Variants in LRIF1 observed in about 807,000 individuals in gnomAD.
LRIF1 encodes ligand dependent nuclear receptor interacting factor 1, also known as ligand-dependent nuclear receptor-interacting factor 1.
LRIF1 carries 32 observed loss-of-function variants against 52.7 expected under a neutral mutation model. The observed-to-expected ratio is 0.61, with a 90% CI of 0.46 to 0.82. The LOEUF (loss-of-function observed/expected upper bound fraction) is 0.82, where lower values mean the gene tolerates loss of function less well. Among genes scored for constraint, LRIF1 ranks in the 40% least tolerant of loss-of-function variants. The pLI is 0.00. For missense variants in LRIF1, 887 were observed against 892.0 expected, an observed-to-expected ratio of 0.99 and a Z score of 0.07; for synonymous variants, 323 against 317.4, an observed-to-expected ratio of 1.02 and a Z score of -0.19.
intron 1 of LRIF1, among the ~76,000 whole-genome samples, chr1:110,957,131 T>C (rs189135423): frequency 1.8e-4 from 28 of 152,104 alleles, no homozygotes; most frequent in African/African-American, 6.5e-4. Flanking sequence ...TTCTTGACCC[T>C]GTTTTTCTCC....
chr1:110,916,004 G>A, the LRIF1 span, among the ~76,000 whole-genome samples: 1 of 151,970 alleles, frequency 6.6e-6, no homozygotes, highest in African/African-American at 2.4e-5. Context: ...TTTTACACGT[G>A]GTGGAAAATA....
chr1:110,921,067 G>A, the LRIF1 span, among the ~76,000 whole-genome samples: 1 of 152,240 alleles, frequency 6.6e-6, no homozygotes, highest in South Asian at 2.1e-4. Context: ...TCCAAAACCA[G>A]AATCATGTTT....
the LRIF1 span, among the ~76,000 whole-genome samples, chr1:110,918,738 G>T: frequency 0.022 from 3,387 of 152,240 alleles, 52 homozygotes; most frequent in African/African-American, 0.045. Context: ...TTGGGCTTTG[G>T]TTCAGAGTCT....
intron 1 of LRIF1, among the ~76,000 whole-genome samples, chr1:110,955,143 A>G (rs1380550587): frequency 6.6e-6 from 1 of 152,110 alleles, no homozygotes; most frequent in Non-Finnish European, 1.5e-5. Flanking sequence ...TAATCCCCCC[A>G]AGTTCCATCT....
chr1:110,895,876 C>T, the LRIF1 span, among the ~76,000 whole-genome samples: 1 of 152,128 alleles, frequency 6.6e-6, no homozygotes, highest in African/African-American at 2.4e-5. Context: ...AAATACTAGA[C>T]AATATATTAT....
At chr1:110,930,380 T>C in the LRIF1 span, among the ~76,000 whole-genome samples, 1 of 152,194 alleles carries the variant, frequency 6.6e-6, no homozygotes, top group Non-Finnish European at 1.5e-5. Context: ...ATTTATTTCT[T>C]ACGGTTCTGA....
At chr1:110,932,807 A>C in the LRIF1 span, among the ~76,000 whole-genome samples, 1 of 152,156 alleles carries the variant, frequency 6.6e-6, no homozygotes, top group African/African-American at 2.4e-5. Context: ...GTCTGCAGCT[A>C]CTATTACTAG....
chr1:110,913,529 C>T, the LRIF1 span, among the ~76,000 whole-genome samples: 1 of 152,166 alleles, frequency 6.6e-6, no homozygotes, highest in African/African-American at 2.4e-5. Flanking sequence ...ATACATGTGG[C>T]CAACAACCAT....
chr1:110,948,317 T>C lies in LRIF1; in HGVS notation c.1952A>G (p.Asn651Ser), dbSNP rs371082233. Residue 651 changes from asparagine (N) to serine (S), a missense_variant, in exon 4 of 4, where the codon AAC becomes AGC. Asn to Ser is a conservative substitution (Grantham distance 46). Transcript: ENST00000369763. The part of the protein sequence containing the change: ...IKKRKTENAY[N>S]AIINGEANVT... Reference sequence around the variant, plus strand: ...ATTAGCTTCCCCATTTATGATTGCGTTATAAGCATTCTCTGTTTTTCTCTT... The same window carrying C: ...ATTAGCTTCCCCATTTATGATTGCGCTATAAGCATTCTCTGTTTTTCTCTT... 20 of 1,613,984 alleles carry C rather than the reference T, an allele frequency of 1.2e-5. 1 individual carries two copies. Among genetic ancestry groups the C allele is most frequent in the African/African-American group, 9.3e-5 (7 of 74,928 alleles).
At chr1:110,958,060 A>C (rs1470570753) in intron 1 of LRIF1, among the ~76,000 whole-genome samples, 1 of 152,164 alleles carries the variant, frequency 6.6e-6, no homozygotes, top group East Asian at 1.9e-4. Context: ...GGCAGACTAA[A>C]ATTGTTTTCA....
the LRIF1 span, chr1:110,938,979 G>A: frequency 6.6e-6 from 1 of 152,082 alleles, no homozygotes; most frequent in South Asian, 2.1e-4. Context: ...TAATATCTAG[G>A]AATTAATCAA....
chr1:110,887,058 G>GTTTATTTTATATTATTTTATTTTAT, the LRIF1 span, among the ~76,000 whole-genome samples: 1 of 146,772 alleles, frequency 6.8e-6, no homozygotes, highest in African/African-American at 2.5e-5. Flanking sequence ...CTCTATTTAT[G>GTTTATTTTATATTATTTTATTTTAT]TTTATTTTAT....
At chr1:110,929,415 C>A in the LRIF1 span, among the ~76,000 whole-genome samples, 1 of 152,180 alleles carries the variant, frequency 6.6e-6, no homozygotes, top group Admixed American at 6.5e-5. Context: ...TCCACAACCT[C>A]ACCAGCATCT....
the LRIF1 span, among the ~76,000 whole-genome samples, chr1:110,895,426 T>A: frequency 1.1e-4 from 16 of 152,184 alleles, no homozygotes; most frequent in Non-Finnish European, 1.8e-4. Flanking sequence ...ATCAGGCTTG[T>A]TACCTAGCCC....
At chr1:110,962,061 T>TACACACACACACACACACAC (rs59351644) in intron 1 of LRIF1, among the ~76,000 whole-genome samples, 3 of 143,790 alleles carry the variant, frequency 2.1e-5, no homozygotes, top group African/African-American at 7.8e-5. Context: ...GAGTTAAGGG[T>TACACACACACACACACACAC]ACACACACAC....
chr1:110,897,782 A>G, the LRIF1 span: 2 of 1,392,798 alleles, frequency 1.4e-6, no homozygotes, highest in Non-Finnish European at 2.0e-6. Context: ...ATAGAGTAGT[A>G]TCATTTGTAA....
At chr1:110,916,871 T>C in the LRIF1 span, among the ~76,000 whole-genome samples, 1 of 152,108 alleles carries the variant, frequency 6.6e-6, no homozygotes, top group East Asian at 1.9e-4. Context: ...AGGAAAAAAA[T>C]AAAACTTCAA....
chr1:110,894,607 A>G, the LRIF1 span, among the ~76,000 whole-genome samples: 1 of 152,166 alleles, frequency 6.6e-6, no homozygotes, highest in South Asian at 2.1e-4. Flanking sequence ...GGGTGCCTGG[A>G]AAGAGCAGTA....
chr1:110,914,289 T>C, the LRIF1 span, among the ~76,000 whole-genome samples: 1 of 152,004 alleles, frequency 6.6e-6, no homozygotes, highest in East Asian at 1.9e-4. Flanking sequence ...CCTGCGCATG[T>C]ATCCCCTGAA....
Sources: allele counts gnomAD v4.1 joint callset (sites outside exome capture counted in the v4.1 genomes callset), GRCh38; gene constraint gnomAD v4.1.1; transcripts MANE v1.5; gene names NCBI Gene and HGNC (gene_info 2026-07-23, HGNC 2026-07-21).